The following PTPRD variants were observed in gnomAD, a reference collection of about 807,000 sequenced individuals.
PTPRD encodes the protein protein tyrosine phosphatase receptor type D, also known as receptor-type tyrosine-protein phosphatase delta.
PTPRD carries 34 observed loss-of-function variants against 214.5 expected under a neutral mutation model. The ratio of observed to expected loss-of-function variants is 0.16; its 90% CI spans 0.12 to 0.21. The LOEUF is 0.21. Ranked by LOEUF, PTPRD falls within the 10% of genes least tolerant of loss-of-function variation. The pLI is 1.00. For missense variants in PTPRD, 2,545 were observed against 2,398.7 expected (o/e 1.06, Z -1.27); for synonymous variants, 1,128 against 845.7 (o/e 1.33, Z -5.79).
At chr9:9,722,289 C>A (rs1315334871) in intron 7 of PTPRD, among the ~76,000 whole-genome samples, 2 of 152,028 alleles carry the variant, frequency 1.3e-5, no homozygotes, top group Non-Finnish European at 2.9e-5. Context: ...TTTCCCTATT[C>A]TGGATAATTC....
chr9:9,923,214 G>A (rs1472047739), intron 5 of PTPRD, among the ~76,000 whole-genome samples: 1 of 149,114 alleles, frequency 6.7e-6, no homozygotes, highest in Non-Finnish European at 1.5e-5. Context: ...GTAAAAGATA[G>A]TGAGGTGTTG....
intron 8 of PTPRD, among the ~76,000 whole-genome samples, chr9:9,441,438 G>A (rs1042332628): frequency 2.0e-5 from 3 of 152,172 alleles, no homozygotes; most frequent in African/African-American, 7.2e-5. Flanking sequence ...AGATAATGCT[G>A]TCTATGGAAG....
intron 14 of PTPRD, among the ~76,000 whole-genome samples, chr9:8,626,668 G>A (rs1056499142): frequency 2.6e-5 from 4 of 151,680 alleles, no homozygotes; most frequent in Non-Finnish European, 2.9e-5. Flanking sequence ...GAACAATAAA[G>A]CTGAGCCTCA....
Position 10,517,234 on chromosome 9 carries a change from A to AT in PTPRD, c.-600+95163dup, listed in dbSNP as rs1395579792. Among the ~76,000 whole-genome samples the AT allele has an allele frequency of 9.9e-5, 15 of 151,868 alleles. No homozygotes were observed. The East Asian group carries it at 2.3e-3, about 24-fold the overall frequency. ...TATCTCCATTTGTTTGTGTGATTTG[A>AT]TTTTTTTCATCAGTGTTTTGTATTT... On this transcript the variant is annotated intron_variant, in intron 2 of 45. Transcript: ENST00000381196.
At chr9:8,960,548 CG>C (rs1443953477) in intron 11 of PTPRD, among the ~76,000 whole-genome samples, 2 of 152,028 alleles carry the variant, frequency 1.3e-5, no homozygotes, top group Non-Finnish European at 2.9e-5. Context: ...AAGAAGATGT[CG>C]TGCATTAAAA....
At chr9:10,325,007 G>A (rs2096618396) in intron 3 of PTPRD, among the ~76,000 whole-genome samples, 1 of 151,876 alleles carries the variant, frequency 6.6e-6, no homozygotes, top group Non-Finnish European at 1.5e-5. Flanking sequence ...AGTTGTTATT[G>A]TTAAACAACA....
intron 12 of PTPRD, among the ~76,000 whole-genome samples, chr9:8,681,366 G>C (rs2097546495): frequency 6.6e-6 from 1 of 152,078 alleles, no homozygotes; most frequent in Non-Finnish European, 1.5e-5. Context: ...AAAAAAGAAA[G>C]AAAAAGAGAG....
intron 36 of PTPRD, among the ~76,000 whole-genome samples, chr9:8,395,207 C>T (rs887050372): frequency 2.6e-5 from 4 of 152,162 alleles, no homozygotes; most frequent in African/African-American, 9.7e-5. Context: ...CAAGACCCGA[C>T]AGAGCACAAA....
intron 7 of PTPRD, among the ~76,000 whole-genome samples, chr9:9,721,500 C>T (rs2097945177): frequency 6.6e-6 from 1 of 152,040 alleles, no homozygotes; most frequent in African/African-American, 2.4e-5. Flanking sequence ...GATATTTGAC[C>T]TATTTTCCAC....
intron 2 of PTPRD, among the ~76,000 whole-genome samples, chr9:10,560,722 G>A (rs1038555969): frequency 6.6e-6 from 1 of 152,070 alleles, no homozygotes; most frequent in African/African-American, 2.4e-5. Context: ...ACCAGTCGCA[G>A]TAAACCAAGA....
intron 11 of PTPRD, among the ~76,000 whole-genome samples, chr9:8,743,116 G>T (rs566506170): frequency 6.9e-6 from 1 of 145,192 alleles, no homozygotes; most frequent in African/African-American, 2.5e-5. Context: ...AAAAAAAAAG[G>T]GGGGGGGGAC....
chr9:10,068,355 T>A (rs1054049923), intron 3 of PTPRD, among the ~76,000 whole-genome samples: 2 of 151,916 alleles, frequency 1.3e-5, no homozygotes, highest in African/African-American at 4.8e-5. Context: ...TCAAGGTGAG[T>A]ATCATATAAG....
chr9:8,826,562 T>G (rs2097178908), intron 11 of PTPRD, among the ~76,000 whole-genome samples: 1 of 152,086 alleles, frequency 6.6e-6, no homozygotes, highest in Non-Finnish European at 1.5e-5. Flanking sequence ...CATATCCAAC[T>G]GATTCCTTCT....
chr9:9,794,582 A>G (rs913277764), intron 5 of PTPRD, among the ~76,000 whole-genome samples: 12 of 152,140 alleles, frequency 7.9e-5, no homozygotes, highest in East Asian at 7.7e-4. Flanking sequence ...TAGACTCTTT[A>G]AAGAGATGAG....
Position 8,908,259 on chromosome 9 carries a change from T to C in PTPRD, c.-104+110438A>G, listed in dbSNP as rs139439390. ...CTAAAATAAGGAAAGACTAAGATGT[T>C]TGTTGCTAGCAGACTTGCACTGTAA... On this transcript the variant is annotated intron_variant, in intron 11 of 45. Transcript: ENST00000381196. Among the ~76,000 whole-genome samples the C allele has an allele frequency of 8.5e-5, 13 of 152,298 alleles. No homozygotes were observed. In the East Asian group the frequency reaches 2.3e-3, roughly 27 times the overall value.
intron 11 of PTPRD, among the ~76,000 whole-genome samples, chr9:8,821,125 C>A (rs1053560335): frequency 6.6e-6 from 1 of 152,100 alleles, no homozygotes; most frequent in Non-Finnish European, 1.5e-5. Flanking sequence ...TCCTCTGATC[C>A]CTCTGCTCCT....
At chr9:9,619,555 T>C (rs1167289061) in intron 7 of PTPRD, among the ~76,000 whole-genome samples, 1 of 146,412 alleles carries the variant, frequency 6.8e-6, no homozygotes, top group Non-Finnish European at 1.5e-5. Context: ...ATTCCATATA[T>C]TATCTAATAT....
At chr9:9,028,525 C>G (rs1018535435) in intron 10 of PTPRD, among the ~76,000 whole-genome samples, 1 of 151,954 alleles carries the variant, frequency 6.6e-6, no homozygotes, top group Admixed American at 6.6e-5. Flanking sequence ...AGTGTGGTAT[C>G]ATAGTAATTG....
chr9:8,744,177 G>A (rs901929873), intron 11 of PTPRD, among the ~76,000 whole-genome samples: 1 of 147,322 alleles, frequency 6.8e-6, no homozygotes, highest in Non-Finnish European at 1.5e-5. Flanking sequence ...TGGTGAAAAG[G>A]GAACACTTCT....
Sources: gnomAD v4.1 joint callset for allele counts (sites outside exome capture counted in the v4.1 genomes callset) on GRCh38, gnomAD v4.1.1 for gene constraint, MANE v1.5 for transcripts, NCBI Gene and HGNC (gene_info 2026-07-23, HGNC 2026-07-21) for gene names.